The following MYO5B variants were observed in gnomAD, a reference collection of about 807,000 sequenced individuals.
MYO5B encodes unconventional myosin-Vb.
In MYO5B, 143 loss-of-function variants were observed where a neutral mutation model predicts 229.3. The ratio of observed to expected loss-of-function variants is 0.62; its 90% CI spans 0.54 to 0.72. MYO5B has a LOEUF of 0.72. Ranked by LOEUF, MYO5B falls within the 30% of genes least tolerant of loss-of-function variation. The pLI is 0.00. For synonymous variants in MYO5B, 918 were observed against 885.2 expected (o/e 1.04, Z -0.66); for missense variants, 2,321 against 2,331.0 (o/e 1.00, Z 0.09).
chr18:49,958,843 C>G (rs9948546), intron 12 of MYO5B, among the ~76,000 whole-genome samples: 1 of 152,180 alleles, frequency 6.6e-6, no homozygotes, highest in Non-Finnish European at 1.5e-5. Flanking sequence ...GCCTGGCCTA[C>G]CACATGGCCT....
intron 1 of MYO5B, among the ~76,000 whole-genome samples, chr18:50,138,414 TG>T (rs112801414): frequency 4.5e-4 from 68 of 151,566 alleles, no homozygotes; most frequent in African/African-American, 1.4e-3. Flanking sequence ...GTGCCCAATT[TG>T]GGGGGGGTGG....
chr18:49,920,203 A>G (rs531666445), intron 17 of MYO5B, among the ~76,000 whole-genome samples: 3 of 152,300 alleles, frequency 2.0e-5, no homozygotes, highest in African/African-American at 7.2e-5. Context: ...GGTGATAAAA[A>G]CATTCTGAAA....
At chr18:49,937,131 C>T in intron 15 of MYO5B, 114 bp downstream of exon 15, 2 of 1,293,726 alleles carry the variant, frequency 1.5e-6, no homozygotes, top group Non-Finnish European at 2.2e-6. Context: ...GCTGAGGCTA[C>T]TGATGTCAAG....
chr18:49,919,091 T>G (rs2025047983), intron 17 of MYO5B, among the ~76,000 whole-genome samples: 1 of 152,232 alleles, frequency 6.6e-6, no homozygotes, highest in African/African-American at 2.4e-5. Context: ...CTTGCCTTCC[T>G]CAATGGTCAA....
chr18:49,936,541 T>C lies in MYO5B; in HGVS notation c.1906-192A>G, dbSNP rs1043963230. 6.6e-5 allele frequency among the ~76,000 whole-genome samples: 10 copies of C among 152,140 alleles called. No homozygotes were observed. The South Asian group carries it at 1.0e-3, about 16-fold the overall frequency. On this transcript the variant is annotated intron_variant, in intron 15 of 39. Coordinates refer to ENST00000285039, the MANE Select transcript of MYO5B (RefSeq NM_001080467.3). ...CTATCTTGCTGTGACCAAAATCAAGTCCTTCCTATTTAAGGGTTCCTTGAA... is the reference window on the plus strand; with the variant it reads ...CTATCTTGCTGTGACCAAAATCAAGCCCTTCCTATTTAAGGGTTCCTTGAA...
chr18:49,934,499 G>A (rs1255596888), intron 16 of MYO5B, among the ~76,000 whole-genome samples: 1 of 152,194 alleles, frequency 6.6e-6, no homozygotes, highest in Non-Finnish European at 1.5e-5. Flanking sequence ...TCCCACAGCA[G>A]GGACACGCTC....
chr18:50,092,652 C>T (rs2031471920), intron 1 of MYO5B, among the ~76,000 whole-genome samples: 1 of 152,064 alleles, frequency 6.6e-6, no homozygotes, highest in Admixed American at 6.5e-5. Flanking sequence ...AACTTTCAGG[C>T]TTTTCAACAG....
chr18:49,988,811 G>A lies in MYO5B; in HGVS notation c.838+1628C>T, dbSNP rs555386617. ...CTCAGAGCCACAGGCTCCAGCTCAG[G>A]ACAGTGTGCAAAGAGTGCTCAGCCC... is the stretch of plus-strand genomic sequence containing the variant. On this transcript the variant is annotated intron_variant, in intron 7 of 39. Coordinates refer to ENST00000285039, the MANE Select transcript of MYO5B (RefSeq NM_001080467.3). Among the ~76,000 whole-genome samples the A allele has an allele frequency of 2.6e-5, 4 of 152,294 alleles. No homozygotes were observed. The East Asian group carries it at 7.7e-4, about 29-fold the overall frequency.
intron 1 of MYO5B, among the ~76,000 whole-genome samples, chr18:50,147,267 C>T (rs1034343496): frequency 6.6e-6 from 1 of 152,118 alleles, no homozygotes; most frequent in Non-Finnish European, 1.5e-5. Context: ...CTAGGAGTCA[C>T]CCTTAGCTCG....
Position 49,864,137 on chromosome 18 carries a change from T to C in MYO5B, c.3843+4A>G, listed in dbSNP as rs755030215. On this transcript the variant is annotated splice_donor_region_variant and intron_variant, in intron 28 of 39. Coordinates refer to ENST00000285039, the MANE Select transcript of MYO5B (RefSeq NM_001080467.3). ...AGCCCCACCGCGGGCCGCCATCTTG[T>C]TACCGCGTTCCTGCCGGCGAGTCGC... The C allele has an allele frequency of 6.2e-7, 1 of 1,607,588 alleles. No homozygotes were observed. Among genetic ancestry groups the C allele is most frequent in the African/African-American group, 1.3e-5 (1 of 75,068 alleles).
intron 4 of MYO5B, among the ~76,000 whole-genome samples, chr18:50,021,718 TAAAA>T (rs34172106): frequency 2.5e-5 from 3 of 119,564 alleles, no homozygotes; most frequent in Admixed American, 1.8e-4. Context: ...CCCATCTGCG[TAAAA>T]AAAAAAAAAA....
intron 1 of MYO5B, among the ~76,000 whole-genome samples, chr18:50,060,090 C>A (rs2030651191): frequency 6.6e-6 from 1 of 152,050 alleles, no homozygotes; most frequent in Non-Finnish European, 1.5e-5. Flanking sequence ...GTTTTGGTAA[C>A]CAGACAGAGA....
At chr18:49,945,215 T>G (rs2025358177) in intron 14 of MYO5B, among the ~76,000 whole-genome samples, 1 of 152,112 alleles carries the variant, frequency 6.6e-6, no homozygotes, top group Non-Finnish European at 1.5e-5. Flanking sequence ...AGGCCATGGC[T>G]CCAACCATCC....
intron 8 of MYO5B, among the ~76,000 whole-genome samples, chr18:49,981,088 G>A (rs922394360): frequency 3.3e-5 from 5 of 152,196 alleles, no homozygotes; most frequent in South Asian, 2.1e-4. Context: ...GCAGCTGTTC[G>A]CCACACTATA....
intron 12 of MYO5B, among the ~76,000 whole-genome samples, chr18:49,959,762 G>A (rs1446976638): frequency 6.6e-6 from 1 of 152,134 alleles, no homozygotes; most frequent in Non-Finnish European, 1.5e-5. Flanking sequence ...ATGGGAAGAG[G>A]ATATTAGGAA....
At chr18:50,058,770 C>A (rs2030615405) in intron 1 of MYO5B, among the ~76,000 whole-genome samples, 1 of 152,028 alleles carries the variant, frequency 6.6e-6, no homozygotes, top group Admixed American at 6.5e-5. Flanking sequence ...GAGATTGTAC[C>A]ACTGCACTCC....
Position 49,823,185 on chromosome 18 carries a change from CT to C in MYO5B, c.*3285del, listed in dbSNP as rs1372335805. 2.0e-5 allele frequency: 3 copies of C among 152,256 alleles called. No homozygotes were observed. The highest frequency in any genetic ancestry group is 4.8e-5 in the African/African-American group (2 of 41,474). The allele number at this position is 152,256 out of a possible 1,614,324, so 9.4% of individuals were successfully genotyped here. The stretch of plus-strand genomic sequence containing the variant: ...AATGACCTTTATAATAAAAAAAACC[CT>C]GTCCTGTGTTTCTCATTGGCATTAA... On this transcript the variant is annotated 3_prime_UTR_variant, in exon 40 of 40. Transcript: ENST00000285039.
At chr18:49,988,313 G>C (rs1305226775) in intron 7 of MYO5B, among the ~76,000 whole-genome samples, 1 of 152,168 alleles carries the variant, frequency 6.6e-6, no homozygotes, top group Non-Finnish European at 1.5e-5. Context: ...CCACCCATGA[G>C]GCCGAGGACA....
chr18:49,974,440 T>C lies in MYO5B; in HGVS notation c.1232A>G (p.Gln411Arg). 1 of 1,614,170 alleles carries C rather than the reference T, an allele frequency of 6.2e-7. No homozygotes were observed. The stretch of plus-strand genomic sequence containing the variant: ...GTGCTCCACAATCCAGCCGAACAAC[T>C]GGGCATAGATGTGCTTCGCCAGGGC... ...RNALAKHIYA[Q>R]LFGWIVEHIN... Residue 411 changes from glutamine (Q) to arginine (R), a missense_variant, in exon 10 of 40, where the codon CAG (glutamine) becomes CGG (arginine). Gln to Arg is a conservative substitution (Grantham distance 43, BLOSUM62 1). Around this residue, in one of 2 missense-constraint regions of MYO5B, gnomAD observed 2,113 missense variants for 2,044.7 expected, o/e 1.03. Transcript: ENST00000285039.
Sources: gnomAD v4.1 joint callset for allele counts (sites outside exome capture counted in the v4.1 genomes callset) on GRCh38, gnomAD v4.1.1 for gene constraint, gnomAD v4.1.1 regional missense constraint, MANE v1.5 for transcripts, NCBI Gene and HGNC (gene_info 2026-07-23, HGNC 2026-07-21) for gene names.